FIGN: variants seen among roughly 807,000 people sequenced by gnomAD.
FIGN encodes the protein fidgetin, microtubule severing factor.
FIGN carries 11 observed loss-of-function variants against 51.3 expected under a neutral mutation model. The ratio of observed to expected loss-of-function variants is 0.21; its 90% CI spans 0.13 to 0.35. The LOEUF is 0.35. Among genes scored for constraint, FIGN ranks in the 10% least tolerant of loss-of-function variants. FIGN has a pLI of 1.00. For synonymous variants in FIGN, 407 were observed against 363.2 expected (o/e 1.12, Z -1.37); for missense variants, 857 against 943.6 (o/e 0.91, Z 1.20).
chr2:163,681,216 G>A (rs1431271359), intron 2 of FIGN, among the ~76,000 whole-genome samples: 1 of 152,138 alleles, frequency 6.6e-6, no homozygotes, highest in Non-Finnish European at 1.5e-5. Flanking sequence ...GTGAGTGAAT[G>A]AATGGAAAGA....
At chr2:163,696,069 C>T (rs1338063542) in intron 2 of FIGN, among the ~76,000 whole-genome samples, 1 of 152,052 alleles carries the variant, frequency 6.6e-6, no homozygotes, top group African/African-American at 2.4e-5. Context: ...CAAGATCATG[C>T]CACTGCACTC....
chr2:163,730,390 T>C (rs904776966), intron 2 of FIGN, among the ~76,000 whole-genome samples: 1 of 152,074 alleles, frequency 6.6e-6, no homozygotes, highest in Admixed American at 6.6e-5. Flanking sequence ...AATGACAAAA[T>C]CCAACCATGG....
At chr2:163,635,343 G>A (rs1224102923) in intron 2 of FIGN, among the ~76,000 whole-genome samples, 1 of 152,188 alleles carries the variant, frequency 6.6e-6, no homozygotes, top group African/African-American at 2.4e-5. Flanking sequence ...CAAGGTAGGA[G>A]GATCACTTGA....
chr2:163,708,596 C>T (rs1684537567), intron 2 of FIGN, among the ~76,000 whole-genome samples: 1 of 152,170 alleles, frequency 6.6e-6, no homozygotes, highest in African/African-American at 2.4e-5. Flanking sequence ...GGGCTTCCAA[C>T]TGGCATGTCA....
At chr2:163,675,914 T>C (rs901586912) in intron 2 of FIGN, among the ~76,000 whole-genome samples, 1 of 150,838 alleles carries the variant, frequency 6.6e-6, no homozygotes, top group Non-Finnish European at 1.5e-5. Flanking sequence ...AGGAATCTTG[T>C]ACCGCAAAGC....
chr2:163,688,509 C>T (rs1684189232), intron 2 of FIGN, among the ~76,000 whole-genome samples: 2 of 152,078 alleles, frequency 1.3e-5, no homozygotes. Flanking sequence ...AGGCAAAAAT[C>T]GAGAAATGTG....
At chr2:163,701,862 T>C (rs1249306579) in intron 2 of FIGN, among the ~76,000 whole-genome samples, 1 of 152,148 alleles carries the variant, frequency 6.6e-6, no homozygotes, top group Non-Finnish European at 1.5e-5. Flanking sequence ...CACAATTCAG[T>C]ATTTGATCAA....
chr2:163,683,312 T>G (rs1684094577), intron 2 of FIGN, among the ~76,000 whole-genome samples: 1 of 152,182 alleles, frequency 6.6e-6, no homozygotes, highest in African/African-American at 2.4e-5. Flanking sequence ...AATCCTGAAT[T>G]TTAGGATGCT....
intron 2 of FIGN, among the ~76,000 whole-genome samples, chr2:163,666,499 C>T (rs1298972691): frequency 6.6e-6 from 1 of 152,088 alleles, no homozygotes; most frequent in Non-Finnish European, 1.5e-5. Context: ...GAGTTCTAGG[C>T]TCCAATGCTT....
chr2:163,710,471 T>C (rs534504074), intron 2 of FIGN, among the ~76,000 whole-genome samples: 1 of 152,340 alleles, frequency 6.6e-6, no homozygotes, highest in South Asian at 2.1e-4. Flanking sequence ...AATTAATGCA[T>C]TGGCCAACAA....
intron 2 of FIGN, among the ~76,000 whole-genome samples, chr2:163,625,679 T>C (rs182163304): frequency 6.6e-6 from 1 of 152,048 alleles, no homozygotes; most frequent in African/African-American, 2.4e-5. Context: ...ATAGAATATA[T>C]CTTGAGGCAT....
At chr2:163,734,432 T>A (rs998824178) in intron 2 of FIGN, among the ~76,000 whole-genome samples, 3 of 151,890 alleles carry the variant, frequency 2.0e-5, no homozygotes, top group East Asian at 1.9e-4. Flanking sequence ...ATTAATAGAT[T>A]GAGAAAAATA....
Position 163,651,927 on chromosome 2 carries a change from G to C in FIGN, c.26-40121C>G, listed in dbSNP as rs1448196253. Among the ~76,000 whole-genome samples, 4 of 152,310 alleles carry C rather than the reference G, an allele frequency of 2.6e-5. No homozygotes were observed. The East Asian group carries it at 5.8e-4, about 22-fold the overall frequency. On this transcript the variant is annotated intron_variant, in intron 2 of 2. Transcript: ENST00000333129. ...ATAATTTAAGCAAACCTTATACCTA[G>C]TAATAATTGCTTCTTTCAAAGTGAA...
chr2:163,604,302 T>C lies in FIGN; in HGVS notation c.*5250A>G, dbSNP rs1691037079. On this transcript the variant is annotated 3_prime_UTR_variant, in exon 3 of 3. Coordinates refer to ENST00000333129, the MANE Select transcript of FIGN (RefSeq NM_018086.4). ...TAAAATACTTGGGAATGCTAACACA[T>C]TTCTCAGAGATGGGCACATAGGAAT... 1.3e-5 allele frequency: 2 copies of C among 152,122 alleles called. No homozygotes were observed. Among genetic ancestry groups the C allele is most frequent in the Admixed American group, 1.3e-4 (2 of 15,232 alleles). The allele number at this position is 152,122 out of a possible 1,614,324, so 9.4% of individuals were successfully genotyped here. A position where few individuals can be genotyped will look rare whatever the true frequency, so the allele number is the denominator to read the frequency against.
At chr2:163,703,773 A>T (rs1180054963) in intron 2 of FIGN, among the ~76,000 whole-genome samples, 1 of 152,086 alleles carries the variant, frequency 6.6e-6, no homozygotes, top group Non-Finnish European at 1.5e-5. Context: ...ACTTGATTTC[A>T]AGGACTCAGC....
chr2:163,712,135 A>T (rs1203375757), intron 2 of FIGN, among the ~76,000 whole-genome samples: 1 of 152,228 alleles, frequency 6.6e-6, no homozygotes, highest in African/African-American at 2.4e-5. Flanking sequence ...TGTAAAGGGT[A>T]ACCCTATTTC....
chr2:163,701,728 C>T (rs1184450796), intron 2 of FIGN, among the ~76,000 whole-genome samples: 1 of 152,148 alleles, frequency 6.6e-6, no homozygotes, highest in Non-Finnish European at 1.5e-5. Flanking sequence ...ATCAGCATTT[C>T]CCTGCCTTAA....
intron 2 of FIGN, among the ~76,000 whole-genome samples, chr2:163,648,844 C>G (rs1683425037): frequency 6.6e-6 from 1 of 152,050 alleles, no homozygotes; most frequent in African/African-American, 2.4e-5. Context: ...GCTTGCAATT[C>G]TATTTATGAA....
intron 2 of FIGN, among the ~76,000 whole-genome samples, chr2:163,648,930 G>C (rs1683427113): frequency 6.6e-6 from 1 of 151,974 alleles, no homozygotes. Context: ...TTAACGTCTG[G>C]GATGATTTGG....
Sources: allele counts gnomAD v4.1 joint callset (sites outside exome capture counted in the v4.1 genomes callset), GRCh38; gene constraint gnomAD v4.1.1; transcripts MANE v1.5; gene names NCBI Gene and HGNC (gene_info 2026-07-23, HGNC 2026-07-21).